The following CAMSAP2 variants were observed in gnomAD, a reference collection of about 807,000 sequenced individuals.
CAMSAP2 encodes calmodulin-regulated spectrin-associated protein 2.
A neutral mutation model predicts 146.1 loss-of-function variants in CAMSAP2; 26 were observed. That is an observed-to-expected ratio of 0.18 (90% CI 0.13 to 0.25). CAMSAP2 has a LOEUF of 0.25. Ranked by LOEUF, CAMSAP2 falls within the 10% of genes least tolerant of loss-of-function variation. The pLI is 1.00. For synonymous variants in CAMSAP2, 499 were observed against 596.6 expected, an observed-to-expected ratio of 0.84 and a Z score of 2.38; for missense variants, 1,381 against 1,759.3, an observed-to-expected ratio of 0.78 and a Z score of 3.85.
intron 7 of CAMSAP2, among the ~76,000 whole-genome samples, chr1:200,844,030 C>T (rs1667395925): frequency 6.6e-6 from 1 of 151,866 alleles, no homozygotes; most frequent in African/African-American, 2.4e-5. Context: ...TGCCACCACG[C>T]CCGGCTAATT....
intron 4 of CAMSAP2, among the ~76,000 whole-genome samples, chr1:200,821,608 G>A (rs1233444557): frequency 6.6e-6 from 1 of 152,122 alleles, no homozygotes; most frequent in South Asian, 2.1e-4. Context: ...CGATCCACCC[G>A]CCTCGGCCTC....
chr1:200,789,639 C>G (rs1665693452), intron 2 of CAMSAP2, among the ~76,000 whole-genome samples: 1 of 152,128 alleles, frequency 6.6e-6, no homozygotes, highest in Non-Finnish European at 1.5e-5. Flanking sequence ...ATTTGCTATT[C>G]TAGGTCTTTT....
At chr1:200,800,494 T>C (rs1193725525) in intron 2 of CAMSAP2, among the ~76,000 whole-genome samples, 3 of 152,010 alleles carry the variant, frequency 2.0e-5, no homozygotes, top group African/African-American at 7.2e-5. Context: ...AACCCTTGCT[T>C]TTTTTTTGCT....
intron 2 of CAMSAP2, among the ~76,000 whole-genome samples, chr1:200,806,761 GTGTGTATCTATC>G (rs1484037279): frequency 2.3e-5 from 3 of 129,560 alleles, no homozygotes; most frequent in African/African-American, 8.3e-5. Context: ...GTGTGTGTGT[GTGTGTATCTATC>G]TATCTATCTA....
At chr1:200,760,656 G>C (rs1354878053) in intron 1 of CAMSAP2, among the ~76,000 whole-genome samples, 183 bp from the exon 2 acceptor site, 2 of 152,028 alleles carry the variant, frequency 1.3e-5, no homozygotes, top group Non-Finnish European at 2.9e-5. Context: ...AAGGAAATTT[G>C]TATCTTTGTC....
chr1:200,764,285 G>A (rs989421782), intron 2 of CAMSAP2, among the ~76,000 whole-genome samples: 5 of 152,012 alleles, frequency 3.3e-5, no homozygotes, highest in Non-Finnish European at 5.9e-5. Context: ...AAGTGTGGTG[G>A]TAGCAAAAGT....
chr1:200,792,499 G>A (rs967263684), intron 2 of CAMSAP2, among the ~76,000 whole-genome samples: 1 of 152,084 alleles, frequency 6.6e-6, no homozygotes, highest in African/African-American at 2.4e-5. Flanking sequence ...ATAAAAATTA[G>A]CTGGTTGTGG....
chr1:200,817,189 C>CACACATACACAT, intron 4 of CAMSAP2, among the ~76,000 whole-genome samples: 1 of 112,068 alleles, frequency 8.9e-6, no homozygotes, highest in Non-Finnish European at 1.9e-5. Context: ...CACACACACA[C>CACACATACACAT]ATGTGTGTGT....
At chr1:200,831,754 C>A (rs1326126749) in intron 4 of CAMSAP2, among the ~76,000 whole-genome samples, 1 of 150,708 alleles carries the variant, frequency 6.6e-6, no homozygotes, top group Non-Finnish European at 1.5e-5. Context: ...ATAGTATATT[C>A]TTTTACCTTC....
At chr1:200,771,002 C>T (rs1665101149) in intron 2 of CAMSAP2, among the ~76,000 whole-genome samples, 1 of 152,066 alleles carries the variant, frequency 6.6e-6, no homozygotes, top group South Asian at 2.1e-4. Flanking sequence ...ACAAATGCAT[C>T]CTGCAGCCAT....
intron 1 of CAMSAP2, among the ~76,000 whole-genome samples, chr1:200,749,661 T>C (rs556928533): frequency 6.6e-6 from 1 of 152,350 alleles, no homozygotes; most frequent in Non-Finnish European, 1.5e-5. Context: ...TAGCTCCTTA[T>C]CTATACTTAA....
intron 2 of CAMSAP2, among the ~76,000 whole-genome samples, chr1:200,805,457 TAG>T (rs1666148121): frequency 1.3e-5 from 2 of 152,150 alleles, no homozygotes; most frequent in African/African-American, 4.8e-5. Flanking sequence ...TCTAGAGAAA[TAG>T]AGTCATATGC....
intron 4 of CAMSAP2, among the ~76,000 whole-genome samples, chr1:200,822,963 G>T (rs979293045): frequency 6.6e-6 from 1 of 152,074 alleles, no homozygotes; most frequent in African/African-American, 2.4e-5. Flanking sequence ...ATGGGTAAGG[G>T]GGGGACAGCT....
intron 2 of CAMSAP2, among the ~76,000 whole-genome samples, chr1:200,787,210 A>G (rs2103027825): frequency 6.6e-6 from 1 of 152,292 alleles, no homozygotes; most frequent in African/African-American, 2.4e-5. Flanking sequence ...AACATTTTCT[A>G]AGTATATATC....
Position 200,860,456 on chromosome 1 carries a change from C to G in CAMSAP2, c.*2397C>G, listed in dbSNP as rs919631720. On this transcript the variant is annotated 3_prime_UTR_variant, in exon 17 of 17. Coordinates refer to ENST00000358823, the MANE Select transcript of CAMSAP2 (RefSeq NM_203459.4). The stretch of plus-strand genomic sequence containing the variant: ...GGAAAGATTTAGTTCTTGGTTTTTC[C>G]GTTTTGTATTAGAATGACTGTTACA... 1 of 152,610 alleles carries G rather than the reference C, an allele frequency of 6.6e-6. No individual in the cohort carries two copies. The highest frequency in any genetic ancestry group is 1.5e-5 in the Non-Finnish European group (1 of 67,988). 9.5% of individuals were successfully genotyped at this position (152,610 alleles called of 1,614,324 possible). A position where few individuals can be genotyped will look rare whatever the true frequency, so the allele number is the denominator to read the frequency against.
chr1:200,816,817 T>C (rs200561626), intron 4 of CAMSAP2, among the ~76,000 whole-genome samples: 915 of 63,004 alleles, frequency 0.015, 271 homozygotes, highest in East Asian at 0.1. Context: ...TATATATGTG[T>C]GTACACACAC....
chr1:200,759,998 G>A (rs1399539105), intron 1 of CAMSAP2, among the ~76,000 whole-genome samples: 1 of 152,202 alleles, frequency 6.6e-6, no homozygotes, highest in Admixed American at 6.5e-5. Flanking sequence ...GTTGATTTGG[G>A]AGCAGACATT....
At chr1:200,852,722 T>A in intron 12 of CAMSAP2, 45 bp downstream of exon 12, 1 of 1,564,758 alleles carries the variant, frequency 6.4e-7, no homozygotes, top group Non-Finnish European at 8.6e-7. Flanking sequence ...ACTTTAATGA[T>A]GCATGGGCAT....
chr1:200,825,180 C>G (rs565550006), intron 4 of CAMSAP2, among the ~76,000 whole-genome samples: 10 of 152,100 alleles, frequency 6.6e-5, no homozygotes, highest in Non-Finnish European at 1.3e-4. Context: ...TCCATTTTAG[C>G]GATCTTTTTT....
Sources: gnomAD v4.1 joint callset for allele counts (sites outside exome capture counted in the v4.1 genomes callset) on GRCh38, gnomAD v4.1.1 for gene constraint, MANE v1.5 for transcripts, NCBI Gene and HGNC (gene_info 2026-07-23, HGNC 2026-07-21) for gene names.